CDH4: variants seen among roughly 807,000 people sequenced by gnomAD.
The protein encoded by CDH4 is cadherin-4.
Under a neutral mutation model 86.0 loss-of-function variants are expected in CDH4, and 33 were observed. The ratio of observed to expected loss-of-function variants is 0.38; its 90% confidence interval spans 0.29 to 0.51. CDH4 has a LOEUF of 0.51. CDH4 is among the 20% of genes least tolerant of loss of function. CDH4 has a pLI of 0.86. For missense variants in CDH4, 1,114 were observed against 1,307.4 expected (o/e 0.85, Z 2.28); for synonymous variants, 555 against 549.4 (o/e 1.01, Z -0.14).
At chr20:61,846,339 G>A (rs897578467) in intron 5 of CDH4, among the ~76,000 whole-genome samples, 5 of 152,240 alleles carry the variant, frequency 3.3e-5, no homozygotes, top group Admixed American at 1.3e-4. Flanking sequence ...TCCGGCTGAC[G>A]CCCCCTGGCT....
chr20:61,726,890 CCAT>C (rs1360285243), intron 2 of CDH4, among the ~76,000 whole-genome samples: 4 of 150,310 alleles, frequency 2.7e-5, no homozygotes, highest in African/African-American at 9.8e-5. Flanking sequence ...ACCATTGGTG[CCAT>C]CATCATCACT....
At chr20:61,803,279 G>T (rs1283455427) in intron 4 of CDH4, among the ~76,000 whole-genome samples, 2 of 152,170 alleles carry the variant, frequency 1.3e-5, no homozygotes, top group Non-Finnish European at 2.9e-5. Context: ...CGGGCTGGCA[G>T]TTAGAGAAGC....
intron 3 of CDH4, among the ~76,000 whole-genome samples, chr20:61,750,068 G>A (rs1470753793): frequency 3.3e-5 from 5 of 151,900 alleles, no homozygotes; most frequent in Non-Finnish European, 5.9e-5. Context: ...CAAAAAAAAA[G>A]GGCAGAAAAT....
chr20:61,559,594 G>A (rs1413018024), intron 2 of CDH4, among the ~76,000 whole-genome samples: 8 of 136,332 alleles, frequency 5.9e-5, no homozygotes, highest in African/African-American at 2.3e-4. Context: ...GTGTGATCTC[G>A]GCTCACTGCA....
At chr20:61,757,490 C>A (rs1272427758) in intron 3 of CDH4, among the ~76,000 whole-genome samples, 2 of 152,162 alleles carry the variant, frequency 1.3e-5, no homozygotes, top group African/African-American at 4.8e-5. Flanking sequence ...AGAGGGGTGC[C>A]CAGGGCCCCA....
intron 2 of CDH4, among the ~76,000 whole-genome samples, chr20:61,389,327 G>T (rs146570242): frequency 2.2e-4 from 33 of 152,340 alleles, no homozygotes; most frequent in African/African-American, 7.9e-4. Context: ...GCATGTCCAT[G>T]TGCCGCTGGG....
At chr20:61,694,190 T>C (rs532574954) in intron 2 of CDH4, among the ~76,000 whole-genome samples, 16 of 152,082 alleles carry the variant, frequency 1.1e-4, no homozygotes, top group Admixed American at 7.9e-4. Context: ...ACCCAGACAC[T>C]CATAAAGGCA....
intron 2 of CDH4, among the ~76,000 whole-genome samples, chr20:61,559,347 T>C (rs1213978723): frequency 6.6e-6 from 1 of 151,710 alleles, no homozygotes; most frequent in Non-Finnish European, 1.5e-5. Context: ...TTAAAAAGTA[T>C]TGCTGCTCGT....
At chr20:61,693,085 T>G (rs2087677141) in intron 2 of CDH4, among the ~76,000 whole-genome samples, 1 of 152,174 alleles carries the variant, frequency 6.6e-6, no homozygotes, top group Non-Finnish European at 1.5e-5. Context: ...CTCTGTTAAC[T>G]GATCACCGGC....
intron 4 of CDH4, among the ~76,000 whole-genome samples, chr20:61,801,596 G>A (rs1979832818): frequency 6.6e-6 from 1 of 152,180 alleles, no homozygotes; most frequent in African/African-American, 2.4e-5. Flanking sequence ...GTTTCTGTGG[G>A]TCAAAGTCAA....
chr20:61,672,070 T>A, intron 2 of CDH4, among the ~76,000 whole-genome samples: 1 of 68,066 alleles, frequency 1.5e-5, no homozygotes, highest in African/African-American at 5.9e-5. Flanking sequence ...GATGGATGAG[T>A]GGATTGGTGG....
intron 2 of CDH4, among the ~76,000 whole-genome samples, chr20:61,545,234 G>A (rs1339610019): frequency 6.6e-6 from 1 of 152,246 alleles, no homozygotes; most frequent in Non-Finnish European, 1.5e-5. Flanking sequence ...AGACCGAGCA[G>A]TTTTCTGTGT....
In CDH4 at chr20:61,417,575, CCT is replaced by C. The variant is rs1172186971; in HGVS notation, c.169+162639_169+162640del. Among the ~76,000 whole-genome samples the C allele has an allele frequency of 1.3e-5, 2 of 152,236 alleles. No homozygotes were observed. The highest frequency in any genetic ancestry group is 4.8e-5 in the African/African-American group (2 of 41,476). ...TCAACAACTGTCATCCCTCCCTGGC[CCT>C]GTTTCTGGCTGGAATGCATTTCTGT... is the stretch of plus-strand genomic sequence containing the variant. On this transcript the variant is annotated intron_variant, in intron 2 of 15. Coordinates refer to ENST00000614565, the MANE Select transcript of CDH4 (RefSeq NM_001794.5). The surrounding 1 kb of genome is among the most constrained non-coding windows in gnomAD (Gnocchi z 4.0).
chr20:61,518,294 C>T lies in CDH4; in HGVS notation c.170-225269C>T, dbSNP rs1189209690. Among the ~76,000 whole-genome samples, 4 of 152,162 alleles carry T rather than the reference C, an allele frequency of 2.6e-5. No homozygotes were observed. The highest frequency in any genetic ancestry group is 5.9e-5 in the Non-Finnish European group (4 of 68,034). Reference sequence around the variant, plus strand: ...TTCCCACTATAAAGTGGAGGACTCCCAGGTGCAGAGATGGGCTCTTAACCA... The same window carrying T: ...TTCCCACTATAAAGTGGAGGACTCCTAGGTGCAGAGATGGGCTCTTAACCA... On this transcript the variant is annotated intron_variant, in intron 2 of 15. Coordinates refer to ENST00000614565, the MANE Select transcript of CDH4 (RefSeq NM_001794.5). The surrounding 1 kb of genome is among the most constrained non-coding windows in gnomAD (Gnocchi z 6.3).
chr20:61,856,778 G>T (rs1316951879), intron 6 of CDH4, among the ~76,000 whole-genome samples: 1 of 152,180 alleles, frequency 6.6e-6, no homozygotes, highest in Admixed American at 6.5e-5. Flanking sequence ...GCTCTTTTGT[G>T]GTTGAGGCAC....
In CDH4 at chr20:61,561,225, C is replaced by T. The variant is rs142962770; in HGVS notation, c.170-182338C>T. On this transcript the variant is annotated intron_variant, in intron 2 of 15. Coordinates refer to ENST00000614565, the MANE Select transcript of CDH4 (RefSeq NM_001794.5). ...AATCCAGTATCACCTCTGTTCATGT[C>T]CTCTGCATCTGGTGACCACACAACC... Among the ~76,000 whole-genome samples, 681 of 152,274 alleles carry T rather than the reference C, an allele frequency of 4.5e-3. 3 individuals are homozygous for T. Among genetic ancestry groups the T allele is most frequent in the African/African-American group, 0.016 (646 of 41,554 alleles).
At chr20:61,876,589 G>A (rs1014300692) in intron 7 of CDH4, among the ~76,000 whole-genome samples, 3 of 152,154 alleles carry the variant, frequency 2.0e-5, no homozygotes, top group Non-Finnish European at 2.9e-5. Flanking sequence ...TACATCTGGT[G>A]TACAACATGG....
intron 2 of CDH4, among the ~76,000 whole-genome samples, chr20:61,576,865 A>G (rs1269007732): frequency 6.6e-6 from 1 of 152,248 alleles, no homozygotes; most frequent in Non-Finnish European, 1.5e-5. Context: ...ACCAATCCAC[A>G]GTTAGCCCCA....
In CDH4 at chr20:61,474,466, C is replaced by T. The variant is rs187924919; in HGVS notation, c.169+219529C>T. 1.9e-4 allele frequency among the ~76,000 whole-genome samples: 29 copies of T among 151,886 alleles called. No individual in the cohort carries two copies. In the East Asian group the frequency reaches 5.4e-3, roughly 28 times the overall value. ...CTGGGATTACAGTCACGAGCCACTG[C>T]ACCGGCCAGAATAGTACATTATTAT... On this transcript the variant is annotated intron_variant, in intron 2 of 15. Transcript: ENST00000614565.
Sources: gnomAD v4.1 joint callset for allele counts (sites outside exome capture counted in the v4.1 genomes callset) on GRCh38, gnomAD v4.1.1 for gene constraint, Gnocchi (gnomAD v3.1) non-coding constraint, MANE v1.5 for transcripts, NCBI Gene and HGNC (gene_info 2026-07-23, HGNC 2026-07-21) for gene names.